Variants in MDGA2 observed in about 807,000 individuals in gnomAD.
MDGA2 encodes MAM domain-containing glycosylphosphatidylinositol anchor protein 2.
Under a neutral mutation model 117.8 loss-of-function variants are expected in MDGA2, and 40 were observed. The ratio of observed to expected loss-of-function variants is 0.34; its 90% CI spans 0.26 to 0.44. MDGA2 has a LOEUF of 0.44. MDGA2 is among the 20% of genes least tolerant of loss of function. The pLI, the probability that MDGA2 is intolerant of heterozygous loss-of-function variation, is 1.00. For synonymous variants in MDGA2, 452 were observed against 439.0 expected, an observed-to-expected ratio of 1.03 and a Z score of -0.37; for missense variants, 1,123 against 1,250.6, an observed-to-expected ratio of 0.90 and a Z score of 1.54.
At chr14:46,952,071 T>C (rs968550679) in intron 9 of MDGA2, among the ~76,000 whole-genome samples, 14 of 151,912 alleles carry the variant, frequency 9.2e-5, no homozygotes, top group African/African-American at 1.4e-4. Flanking sequence ...AAACCATAGT[T>C]CAAGGATTTT....
intron 7 of MDGA2, among the ~76,000 whole-genome samples, chr14:47,038,799 G>T (rs1388701266): frequency 6.6e-6 from 1 of 151,654 alleles, no homozygotes; most frequent in African/African-American, 2.4e-5. Context: ...AAAATTAGTC[G>T]GGCGTGGCAG....
At chr14:47,098,129 A>G (rs1468011005) in intron 5 of MDGA2, among the ~76,000 whole-genome samples, 1 of 151,926 alleles carries the variant, frequency 6.6e-6, no homozygotes, top group Non-Finnish European at 1.5e-5. Context: ...ATCAATCTAC[A>G]TCGGAAATAT....
chr14:47,453,030 AAC>A (rs1893273893), intron 1 of MDGA2, among the ~76,000 whole-genome samples: 1 of 152,108 alleles, frequency 6.6e-6, no homozygotes, highest in Non-Finnish European at 1.5e-5. Context: ...GGTTAATTAT[AAC>A]AGTCTACCTT....
At chr14:47,351,902 A>AAC (rs35860893) in intron 1 of MDGA2, among the ~76,000 whole-genome samples, 10,882 of 148,334 alleles carry the variant, frequency 0.073, 434 homozygotes, top group African/African-American at 0.12. Context: ...CTCTAAATTA[A>AAC]ACACACACAC....
intron 1 of MDGA2, among the ~76,000 whole-genome samples, chr14:47,555,206 C>T (rs993753764): frequency 2.0e-5 from 3 of 152,088 alleles, no homozygotes; most frequent in African/African-American, 4.8e-5. Context: ...TAACCAAGGT[C>T]GTACAACTAT....
At chr14:47,524,722 G>T (rs549088491) in intron 1 of MDGA2, among the ~76,000 whole-genome samples, 2 of 152,238 alleles carry the variant, frequency 1.3e-5, no homozygotes, top group South Asian at 4.1e-4. Flanking sequence ...TCCAGAATAG[G>T]CTTTCTCATG....
intron 8 of MDGA2, among the ~76,000 whole-genome samples, chr14:46,964,901 T>A (rs1885955156): frequency 6.7e-6 from 1 of 149,196 alleles, no homozygotes; most frequent in Non-Finnish European, 1.5e-5. Flanking sequence ...TGGGAAAATA[T>A]CCCCAAATAT....
chr14:47,539,017 T>C (rs1052720696), intron 1 of MDGA2, among the ~76,000 whole-genome samples: 31 of 152,188 alleles, frequency 2.0e-4, no homozygotes, highest in Non-Finnish European at 4.4e-4. Flanking sequence ...TGGAGAAGTC[T>C]GCTGAATTGT....
chr14:46,967,982 AC>A (rs1428827281), intron 8 of MDGA2, among the ~76,000 whole-genome samples: 2 of 152,018 alleles, frequency 1.3e-5, no homozygotes, highest in Non-Finnish European at 2.9e-5. Flanking sequence ...GGGCTTCACA[AC>A]CCCACCAATG....
intron 8 of MDGA2, among the ~76,000 whole-genome samples, chr14:46,967,126 T>G (rs1212511061): frequency 6.6e-6 from 1 of 152,186 alleles, no homozygotes; most frequent in African/African-American, 2.4e-5. Context: ...AACCTGTTTT[T>G]AAATATTTAA....
intron 3 of MDGA2, among the ~76,000 whole-genome samples, chr14:47,197,725 A>G (rs576027530): frequency 1.1e-4 from 17 of 152,244 alleles, no homozygotes; most frequent in African/African-American, 3.9e-4. Flanking sequence ...CCTGACGAAC[A>G]TGGTGAAACC....
intron 1 of MDGA2, among the ~76,000 whole-genome samples, chr14:47,403,736 C>A (rs1216776128): frequency 2.0e-5 from 3 of 152,064 alleles, no homozygotes; most frequent in African/African-American, 4.8e-5. Flanking sequence ...ACAAGCTATG[C>A]CAAAATACAG....
intron 10 of MDGA2, among the ~76,000 whole-genome samples, chr14:46,886,891 T>C (rs575901695): frequency 1.3e-5 from 2 of 152,198 alleles, no homozygotes; most frequent in African/African-American, 4.8e-5. Flanking sequence ...TCTGTATTAG[T>C]GGTTCTCATA....
chr14:47,151,969 CATA>C (rs1234859487), intron 3 of MDGA2, among the ~76,000 whole-genome samples: 12 of 151,942 alleles, frequency 7.9e-5, no homozygotes, highest in Non-Finnish European at 1.5e-4. Context: ...TGATATGTAT[CATA>C]ATAATTAAGA....
At chr14:46,940,095 T>A (rs1450895870) in intron 9 of MDGA2, among the ~76,000 whole-genome samples, 1 of 152,136 alleles carries the variant, frequency 6.6e-6, no homozygotes, top group Non-Finnish European at 1.5e-5. Flanking sequence ...GGGTCTCCAC[T>A]TTGCCTCTGT....
intron 1 of MDGA2, among the ~76,000 whole-genome samples, chr14:47,613,394 G>A (rs1253559894): frequency 2.0e-5 from 3 of 152,000 alleles, no homozygotes; most frequent in African/African-American, 4.8e-5. Flanking sequence ...TACCAGAAGA[G>A]GGGAATGCAT....
At chr14:46,954,671 C>A (rs560362828) in intron 9 of MDGA2, among the ~76,000 whole-genome samples, 14 of 151,992 alleles carry the variant, frequency 9.2e-5, no homozygotes, top group African/African-American at 3.4e-4. Flanking sequence ...ATTTGAGGCC[C>A]ACCCAGATAA....
At chr14:47,332,482 T>A (rs1890321068) in intron 1 of MDGA2, among the ~76,000 whole-genome samples, 1 of 151,922 alleles carries the variant, frequency 6.6e-6, no homozygotes, top group Admixed American at 6.6e-5. Flanking sequence ...GAATAGCACA[T>A]GTCTGCCTAT....
chr14:47,069,619 T>C (rs527285712), intron 6 of MDGA2, among the ~76,000 whole-genome samples: 1 of 152,326 alleles, frequency 6.6e-6, no homozygotes, highest in African/African-American at 2.4e-5. Flanking sequence ...GTAGGATTTT[T>C]CTAAATCATT....
Sources: gnomAD v4.1 joint callset for allele counts (sites outside exome capture counted in the v4.1 genomes callset) on GRCh38, gnomAD v4.1.1 for gene constraint, MANE v1.5 for transcripts, NCBI Gene and HGNC (gene_info 2026-07-23, HGNC 2026-07-21) for gene names.